Variants in CLPP observed in about 807,000 individuals in gnomAD.
The protein encoded by CLPP is ATP-dependent Clp protease proteolytic subunit, mitochondrial.
CLPP carries 14 observed loss-of-function variants against 27.4 expected under a neutral mutation model. That is an observed-to-expected ratio of 0.51 (90% confidence interval 0.34 to 0.80). The LOEUF (loss-of-function observed/expected upper bound fraction) is 0.80, where lower values mean the gene tolerates loss of function less well. Ranked by LOEUF, CLPP falls within the 30% of genes least tolerant of loss-of-function variation. The probability of loss-of-function intolerance (pLI) is 0.02; values close to 1 mark genes in which losing one functional copy is unlikely to be tolerated. For synonymous variants in CLPP, 193 were observed against 166.6 expected, an observed-to-expected ratio of 1.16 and a Z score of -1.22; for missense variants, 361 against 403.6, an observed-to-expected ratio of 0.89 and a Z score of 0.90.
Position 6,369,074 on chromosome 19 carries a change from A to G in CLPP, c.*364A>G, listed in dbSNP as rs1284842038. Among the ~76,000 whole-genome samples, 1 of 152,122 alleles carries G rather than the reference A, an allele frequency of 6.6e-6. No individual in the cohort carries two copies. The highest frequency in any genetic ancestry group is 2.4e-5 in the African/African-American group (1 of 41,412). On this transcript the variant is annotated 3_prime_UTR_variant, in exon 6 of 6. Coordinates refer to ENST00000245816, the MANE Select transcript of CLPP (RefSeq NM_006012.4). ...GGCAGTGTTCTTTTGTGAAGAAGAC[A>G]CAAGAAACCCTCCTCAAAAGAGCTC...
Position 6,362,372 on chromosome 19 carries a change from A to T in CLPP, c.271-74A>T, listed in dbSNP as rs1412698163. 2.5e-5 allele frequency: 25 copies of T among 1,020,090 alleles called. No individual in the cohort carries two copies. The South Asian group carries it at 3.2e-4, about 13-fold the overall frequency. 63.2% of individuals were successfully genotyped at this position (1,020,090 alleles called of 1,614,324 possible). On this transcript the variant is annotated intron_variant, in intron 2 of 5. Transcript: ENST00000245816. ...TCTGGTCCCCCTTCCTGGTTCCCTG[A>T]CCCATCCCCAGCCTCCCTTAAAACT...
chr19:6,367,936 G>T (rs1159052134), intron 5 of CLPP, among the ~76,000 whole-genome samples: 1 of 151,972 alleles, frequency 6.6e-6, no homozygotes, highest in African/African-American at 2.4e-5. Context: ...AAGGCCAATG[G>T]TGAAACATGA....
At chr19:6,366,409 C>T (rs751979543) in intron 5 of CLPP, 46 bp downstream of exon 5, 35 of 1,453,062 alleles carry the variant, frequency 2.4e-5, no homozygotes, top group Non-Finnish European at 3.0e-5. Context: ...ACAGACGGAC[C>T]AGGCGTTGCT....
chr19:6,366,576 G>A (rs553761431), intron 5 of CLPP, among the ~76,000 whole-genome samples: 20 of 152,174 alleles, frequency 1.3e-4, no homozygotes, highest in South Asian at 8.3e-4. Context: ...CCAGTTACTC[G>A]GGAGGCTGAG....
intron 4 of CLPP, 43 bp downstream of exon 4, chr19:6,364,682 G>T: frequency 6.4e-7 from 1 of 1,562,012 alleles, no homozygotes; most frequent in Admixed American, 1.8e-5. Context: ...ATCAGGACAG[G>T]GTCTAGACAG....
chr19:6,366,092 G>A (rs1259388635), intron 4 of CLPP, among the ~76,000 whole-genome samples, 166 bp from the exon 5 acceptor site: 1 of 152,180 alleles, frequency 6.6e-6, no homozygotes, highest in Non-Finnish European at 1.5e-5. Flanking sequence ...CCTGGTAGTG[G>A]CAAGACTGAA....
chr19:6,367,635 G>A (rs1247167369), intron 5 of CLPP, among the ~76,000 whole-genome samples: 1 of 151,940 alleles, frequency 6.6e-6, no homozygotes. Flanking sequence ...TGCTGGTCCT[G>A]TAGGGTATGT....
At chr19:6,366,820 G>A (rs1225493520) in intron 5 of CLPP, among the ~76,000 whole-genome samples, 1 of 151,876 alleles carries the variant, frequency 6.6e-6, no homozygotes, top group Non-Finnish European at 1.5e-5. Context: ...TTGTAGAGAC[G>A]TGGTTTCACC....
In CLPP at chr19:6,369,219, G is replaced by A. The variant is rs1231654469; in HGVS notation, c.*509G>A. On this transcript the variant is annotated 3_prime_UTR_variant, in exon 6 of 6. Coordinates refer to ENST00000245816, the MANE Select transcript of CLPP (RefSeq NM_006012.4). ...AGGCGGATCATGAGGTCAGGAGATC[G>A]AGAACATCCTGGCTAACATGGTGAA... is the stretch of plus-strand genomic sequence containing the variant. Among the ~76,000 whole-genome samples, 12 of 152,038 alleles carry A rather than the reference G, an allele frequency of 7.9e-5. No individual in the cohort carries two copies. The highest frequency in any genetic ancestry group is 1.5e-4 in the Non-Finnish European group (10 of 68,008).
chr19:6,366,260 C>A lies in CLPP; in HGVS notation c.558C>A (p.Gly186=). 1.2e-6 allele frequency: 2 copies of A among 1,609,338 alleles called. No individual in the cohort carries two copies. The highest frequency in any genetic ancestry group is 1.7e-6 in the Non-Finnish European group (2 of 1,177,450). Residue 186 remains glycine, a splice_region_variant and synonymous_variant, in exon 5 of 6, where the codon GGC becomes GGA. Coordinates refer to ENST00000245816, the MANE Select transcript of CLPP (RefSeq NM_006012.4). ...TCACTCCCTTGGACGTCCCTCAGGGCCAAGCCACAGACATTGCCATCCAGG... is the reference window on the plus strand; with the variant it reads ...TCACTCCCTTGGACGTCCCTCAGGGACAAGCCACAGACATTGCCATCCAGG... ...MIHQPSGGAR[G]QATDIAIQAE...
At chr19:6,365,804 G>C (rs2091858808) in intron 4 of CLPP, among the ~76,000 whole-genome samples, 1 of 139,956 alleles carries the variant, frequency 7.1e-6, no homozygotes, top group Admixed American at 7.2e-5. Flanking sequence ...CAGCAACAGA[G>C]GAAGACCCTG....
intron 2 of CLPP, chr19:6,362,199 C>G: frequency 1.7e-6 from 1 of 602,584 alleles, no homozygotes; most frequent in Non-Finnish European, 2.9e-6. Flanking sequence ...TCAAGACTCT[C>G]CCCAGCCATT....
chr19:6,366,147 A>C lies in CLPP; in HGVS notation c.556-111A>C. On this transcript the variant is annotated intron_variant, in intron 4 of 5. Coordinates refer to ENST00000245816, the MANE Select transcript of CLPP (RefSeq NM_006012.4). The stretch of plus-strand genomic sequence containing the variant: ...ACACAACCCCAGCCCACCAGCCTCA[A>C]ACCGGAAGCCCAAAGCCCAGGGAAG... 4.5e-6 allele frequency: 3 copies of C among 672,320 alleles called. No homozygotes were observed. The Middle Eastern group carries it at 7.4e-4, about 165-fold the overall frequency. The allele number at this position is 672,320 out of a possible 1,614,324, so 41.6% of individuals were successfully genotyped here.
Position 6,364,442 on chromosome 19 carries a change from C to T in CLPP, c.368-10C>T, listed in dbSNP as rs8100489. Reference sequence around the variant, plus strand: ...CTGGTCCAGCCCCTCACTTGCTCCCCCGCCCACAGGTGGTGTGGTGACCGC... The same window carrying T: ...CTGGTCCAGCCCCTCACTTGCTCCCTCGCCCACAGGTGGTGTGGTGACCGC... On this transcript the variant is annotated splice_polypyrimidine_tract_variant and intron_variant, in intron 3 of 5. Coordinates refer to ENST00000245816, the MANE Select transcript of CLPP (RefSeq NM_006012.4). 5,433 of 1,601,014 alleles carry T rather than the reference C, an allele frequency of 3.4e-3. 179 individuals carry two copies. In the African/African-American group the frequency reaches 0.066, roughly 19 times the overall value.
At chr19:6,368,350 C>T (rs1377471370) in intron 5 of CLPP, among the ~76,000 whole-genome samples, 188 bp from the exon 6 acceptor site, 1 of 152,060 alleles carries the variant, frequency 6.6e-6, no homozygotes, top group African/African-American at 2.4e-5. Flanking sequence ...ATCAAGGGGC[C>T]CCTGACCCCA....
chr19:6,361,880 G>C lies in CLPP; in HGVS notation c.210G>C (p.Glu70Asp). The C allele has an allele frequency of 2.5e-6, 4 of 1,598,446 alleles. No homozygotes were observed. The highest frequency in any genetic ancestry group is 1.1e-5 in the South Asian group (1 of 91,022). ...CTTTCTACCCCCAGGGTCGCGGCGA[G>C]CGCGCCTATGACATCTACTCGCGGC... ...PIVVEQTGRG[E>D]RAYDIYSRLL... Residue 70 changes from glutamate (E) to aspartate (D), a missense_variant, in exon 2 of 6, where the codon GAG (glutamate) becomes GAC (aspartate). Coordinates refer to ENST00000245816, the MANE Select transcript of CLPP (RefSeq NM_006012.4).
At chr19:6,366,502 C>T in intron 5 of CLPP, 139 bp downstream of exon 5, 1 of 584,148 alleles carries the variant, frequency 1.7e-6, no homozygotes, top group Non-Finnish European at 3.1e-6. Flanking sequence ...TCCCAGAGGT[C>T]AGCCTGGCCA....
chr19:6,368,804 G>C lies in CLPP; in HGVS notation c.*94G>C. 8.1e-7 allele frequency: 1 copy of C among 1,238,242 alleles called. No individual in the cohort carries two copies. Among genetic ancestry groups the C allele is most frequent in the Non-Finnish European group, 1.1e-6 (1 of 905,720 alleles). 76.7% of individuals were successfully genotyped at this position (1,238,242 alleles called of 1,614,324 possible). A position where few individuals can be genotyped will look rare whatever the true frequency, so the allele number is the denominator to read the frequency against. On this transcript the variant is annotated 3_prime_UTR_variant, in exon 6 of 6. Transcript: ENST00000245816. ...CTCACCCCTTGTTGCTGGGCTTGGA[G>C]GGGCCTCTTGAGGAACTTTTAATTT...
rs1235255945 is a variant in CLPP at position 6,370,062 on chromosome 19, T to TC, written c.*1354dup. Among the ~76,000 whole-genome samples, 1 of 152,094 alleles carries TC rather than the reference T, an allele frequency of 6.6e-6. No individual in the cohort carries two copies. Among genetic ancestry groups the TC allele is most frequent in the East Asian group, 1.9e-4 (1 of 5,196 alleles). ...GTGACAGAGAGCAGTTTCCAGAAAC[T>TC]CCGAGCTGATGGCCCAAAGCAGGAA... On this transcript the variant is annotated 3_prime_UTR_variant, in exon 6 of 6. Coordinates refer to ENST00000245816, the MANE Select transcript of CLPP (RefSeq NM_006012.4).
Sources: allele counts gnomAD v4.1 joint callset (sites outside exome capture counted in the v4.1 genomes callset), GRCh38; gene constraint gnomAD v4.1.1; transcripts MANE v1.5; gene names NCBI Gene and HGNC (gene_info 2026-07-23, HGNC 2026-07-21).